The following CNTN4 variants were observed in gnomAD, a reference collection of about 807,000 sequenced individuals.
CNTN4 encodes the protein contactin 4.
Under a neutral mutation model 122.5 loss-of-function variants are expected in CNTN4, and 77 were observed. The ratio of observed to expected loss-of-function variants is 0.63; its 90% CI spans 0.52 to 0.76. The LOEUF is 0.76. CNTN4 is among the 30% of genes least tolerant of loss of function. The pLI is 0.00. For synonymous variants in CNTN4, 512 were observed against 447.0 expected, an observed-to-expected ratio of 1.15 and a Z score of -1.83; for missense variants, 1,256 against 1,259.1, an observed-to-expected ratio of 1.00 and a Z score of 0.04.
At chr3:2,546,790 A>G (rs1037582486) in intron 3 of CNTN4, among the ~76,000 whole-genome samples, 22 of 152,272 alleles carry the variant, frequency 1.4e-4, no homozygotes, top group African/African-American at 4.8e-4. Flanking sequence ...AGAAATGGCC[A>G]TGGGCTATCC....
chr3:2,398,844 C>T (rs543571890), intron 3 of CNTN4, among the ~76,000 whole-genome samples: 4 of 152,198 alleles, frequency 2.6e-5, no homozygotes, highest in South Asian at 4.1e-4. Context: ...ATTTTGATCT[C>T]CTGCCTTCAG....
At chr3:2,509,418 A>G (rs1165760066) in intron 3 of CNTN4, among the ~76,000 whole-genome samples, 1 of 152,224 alleles carries the variant, frequency 6.6e-6, no homozygotes, top group Non-Finnish European at 1.5e-5. Context: ...TACTTAAAAA[A>G]CATGTTGAAC....
At chr3:3,043,520 G>T (rs1181007772) in intron 22 of CNTN4, 72 bp from the exon 23 acceptor site, 1 of 1,178,464 alleles carries the variant, frequency 8.5e-7, no homozygotes. Context: ...TCGAATTCTA[G>T]TAAGGAGATA....
At chr3:2,757,036 A>G (rs1227874098) in intron 6 of CNTN4, among the ~76,000 whole-genome samples, 1 of 152,188 alleles carries the variant, frequency 6.6e-6, no homozygotes, top group Non-Finnish European at 1.5e-5. Flanking sequence ...TTTGAATGAG[A>G]TCAAAATCAG....
intron 5 of CNTN4, among the ~76,000 whole-genome samples, 171 bp downstream of exon 5, chr3:2,736,512 G>A (rs2089107101): frequency 6.6e-6 from 1 of 151,408 alleles, no homozygotes; most frequent in African/African-American, 2.4e-5. Flanking sequence ...TGCCCAGGCT[G>A]GAGTGTAATG....
At chr3:2,491,177 A>G (rs980489382) in intron 3 of CNTN4, among the ~76,000 whole-genome samples, 3 of 152,152 alleles carry the variant, frequency 2.0e-5, no homozygotes, top group Non-Finnish European at 4.4e-5. Flanking sequence ...CACCCAGCAC[A>G]TAGTACGTAC....
At chr3:2,473,936 C>T (rs909853135) in intron 3 of CNTN4, among the ~76,000 whole-genome samples, 7 of 151,564 alleles carry the variant, frequency 4.6e-5, no homozygotes, top group South Asian at 4.2e-4. Context: ...CACTTGAACT[C>T]GGGGGAGGCG....
chr3:2,263,378 C>T (rs898176643), intron 2 of CNTN4, among the ~76,000 whole-genome samples: 1 of 151,970 alleles, frequency 6.6e-6, no homozygotes, highest in African/African-American at 2.4e-5. Context: ...CAAAATGAGA[C>T]TGATTTTTTA....
At chr3:2,563,872 C>G (rs906712248) in intron 3 of CNTN4, among the ~76,000 whole-genome samples, 6 of 151,628 alleles carry the variant, frequency 4.0e-5, no homozygotes, top group Admixed American at 3.3e-4. Flanking sequence ...ACTTAGAAAC[C>G]TGTTATTAAA....
At chr3:2,205,116 T>G (rs2038279189) in intron 2 of CNTN4, among the ~76,000 whole-genome samples, 1 of 151,826 alleles carries the variant, frequency 6.6e-6, no homozygotes, top group Non-Finnish European at 1.5e-5. Flanking sequence ...TCTAGCAAGA[T>G]TTTTGTATTG....
intron 4 of CNTN4, among the ~76,000 whole-genome samples, chr3:2,590,382 C>T (rs750167878): frequency 6.6e-6 from 1 of 151,968 alleles, no homozygotes; most frequent in Non-Finnish European, 1.5e-5. Flanking sequence ...TCAGCCTCCC[C>T]AGTAGCTGGG....
chr3:2,699,402 G>A (rs1390490443), intron 4 of CNTN4, among the ~76,000 whole-genome samples: 3 of 152,088 alleles, frequency 2.0e-5, no homozygotes, highest in African/African-American at 4.8e-5. Context: ...CTGTGCCCCC[G>A]AAAGTCATGT....
chr3:2,318,242 G>A (rs1575359765), intron 2 of CNTN4, among the ~76,000 whole-genome samples: 1 of 150,764 alleles, frequency 6.6e-6, no homozygotes, highest in Non-Finnish European at 1.5e-5. Flanking sequence ...AAAAGAGTAT[G>A]TGTATATTGA....
chr3:2,566,850 G>A (rs773037058), intron 3 of CNTN4, among the ~76,000 whole-genome samples: 1 of 152,132 alleles, frequency 6.6e-6, no homozygotes, highest in Non-Finnish European at 1.5e-5. Context: ...ACTCTGTCTT[G>A]CTGCTATGAG....
At chr3:2,263,151 A>T (rs187130467) in intron 2 of CNTN4, among the ~76,000 whole-genome samples, 1 of 152,270 alleles carries the variant, frequency 6.6e-6, no homozygotes, top group African/African-American at 2.4e-5. Context: ...CTAAGAAGAG[A>T]AAAATTAGCA....
chr3:3,015,266 A>G (rs901947712), intron 14 of CNTN4, among the ~76,000 whole-genome samples: 4 of 152,008 alleles, frequency 2.6e-5, no homozygotes, highest in East Asian at 1.9e-4. Flanking sequence ...ATAGTTGCCC[A>G]TTCTGAAGGG....
intron 2 of CNTN4, among the ~76,000 whole-genome samples, chr3:2,268,900 C>A (rs1427965748): frequency 2.6e-5 from 4 of 152,044 alleles, no homozygotes; most frequent in African/African-American, 9.7e-5. Flanking sequence ...AGTTTCTCCT[C>A]CTTTTTATAT....
At chr3:2,121,177 C>T (rs1176150171) in intron 2 of CNTN4, among the ~76,000 whole-genome samples, 5 of 151,670 alleles carry the variant, frequency 3.3e-5, no homozygotes, top group Admixed American at 1.3e-4. Flanking sequence ...TCCCTCTTAC[C>T]AAATGCTAGT....
intron 7 of CNTN4, among the ~76,000 whole-genome samples, chr3:2,852,682 C>T (rs940115939): frequency 4.0e-5 from 6 of 151,326 alleles, no homozygotes; most frequent in African/African-American, 1.2e-4. Flanking sequence ...TTTCCATGCT[C>T]ACAAAGTAGT....
Sources: gnomAD v4.1 joint callset for allele counts (sites outside exome capture counted in the v4.1 genomes callset) on GRCh38, gnomAD v4.1.1 for gene constraint, MANE v1.5 for transcripts, NCBI Gene and HGNC (gene_info 2026-07-23, HGNC 2026-07-21) for gene names.